The following GPC6 variants were observed in gnomAD, a reference collection of about 807,000 sequenced individuals.
GPC6 encodes glypican 6, also known as glypican-6.
In GPC6, 14 loss-of-function variants were observed where a neutral mutation model predicts 55.2. The observed-to-expected ratio is 0.25, with a 90% CI of 0.17 to 0.40. The LOEUF is 0.40. Among genes scored for constraint, GPC6 ranks in the 10% least tolerant of loss-of-function variants. The pLI is 1.00. For synonymous variants in GPC6, 278 were observed against 259.6 expected, an observed-to-expected ratio of 1.07 and a Z score of -0.68; for missense variants, 641 against 708.5, an observed-to-expected ratio of 0.90 and a Z score of 1.08.
intron 1 of GPC6, among the ~76,000 whole-genome samples, chr13:93,453,193 C>T (rs769744609): frequency 1.3e-5 from 2 of 152,188 alleles, no homozygotes; most frequent in South Asian, 4.2e-4. Context: ...CCAAGTCATT[C>T]CTGAATTGCA....
intron 6 of GPC6, among the ~76,000 whole-genome samples, chr13:94,349,068 G>A (rs1472417114): frequency 6.6e-6 from 1 of 152,158 alleles, no homozygotes; most frequent in Non-Finnish European, 1.5e-5. Context: ...GTGTTTTCAT[G>A]ATGCTTGTCT....
At chr13:93,611,594 A>G (rs535334363) in intron 2 of GPC6, among the ~76,000 whole-genome samples, 48 of 152,238 alleles carry the variant, frequency 3.2e-4, no homozygotes, top group African/African-American at 1.1e-3. Flanking sequence ...GTTTTGATAA[A>G]CCTGGATAGA....
At chr13:93,622,311 A>T (rs1172941268) in intron 2 of GPC6, among the ~76,000 whole-genome samples, 2 of 152,214 alleles carry the variant, frequency 1.3e-5, no homozygotes, top group Non-Finnish European at 2.9e-5. Flanking sequence ...TCTGATGAGC[A>T]TTGCATTTTA....
intron 1 of GPC6, among the ~76,000 whole-genome samples, chr13:93,256,362 T>A (rs1309726381): frequency 6.6e-6 from 1 of 152,082 alleles, no homozygotes; most frequent in Non-Finnish European, 1.5e-5. Context: ...AAAATGCGTT[T>A]AGTAGGAATA....
At chr13:93,931,765 G>GAAAAAAAAAAAAAAAAAAAAAAAAA (rs545578327) in intron 3 of GPC6, among the ~76,000 whole-genome samples, 1 of 49,712 alleles carries the variant, frequency 2.0e-5, no homozygotes. Context: ...CTCTGTCTCA[G>GAAAAAAAAAAAAAAAAAAAAAAAAA]AAAAAAAAAA....
chr13:93,817,085 A>G (rs1163280451), intron 2 of GPC6, among the ~76,000 whole-genome samples: 1 of 152,198 alleles, frequency 6.6e-6, no homozygotes, highest in East Asian at 1.9e-4. Context: ...CACTGTAGGC[A>G]CTAAACCTGG....
intron 2 of GPC6, among the ~76,000 whole-genome samples, chr13:93,551,321 A>C (rs3814276): frequency 0.12 from 18,116 of 147,514 alleles, 1,309 homozygotes; most frequent in East Asian, 0.29. Context: ...AAAAAAAAAA[A>C]CACAATTTCA....
chr13:93,708,026 A>G (rs1300205221), intron 2 of GPC6, among the ~76,000 whole-genome samples: 1 of 151,858 alleles, frequency 6.6e-6, no homozygotes, highest in Non-Finnish European at 1.5e-5. Flanking sequence ...ACATATCTCA[A>G]TATCATACAG....
At chr13:93,671,420 AT>A (rs2139627791) in intron 2 of GPC6, among the ~76,000 whole-genome samples, 1 of 152,160 alleles carries the variant, frequency 6.6e-6, no homozygotes, top group East Asian at 1.9e-4. Flanking sequence ...CCAATGCTCC[AT>A]GTTTAGATTC....
intron 4 of GPC6, among the ~76,000 whole-genome samples, chr13:94,034,931 T>A (rs994668254): frequency 2.7e-5 from 4 of 150,026 alleles, no homozygotes; most frequent in African/African-American, 9.7e-5. Context: ...TATTAAAATA[T>A]ATATAATATG....
chr13:93,385,307 G>T (rs1356973414), intron 1 of GPC6, among the ~76,000 whole-genome samples: 1 of 152,254 alleles, frequency 6.6e-6, no homozygotes, highest in African/African-American at 2.4e-5. Flanking sequence ...CCATAGGCGA[G>T]GTTGGCAGGG....
At chr13:93,458,711 T>C (rs1325803339) in intron 1 of GPC6, among the ~76,000 whole-genome samples, 2 of 152,198 alleles carry the variant, frequency 1.3e-5, no homozygotes, top group Non-Finnish European at 2.9e-5. Context: ...TTTTCTTTCC[T>C]AGACTCCATG....
chr13:93,265,807 CTTT>C (rs141252461), intron 1 of GPC6, among the ~76,000 whole-genome samples: 3 of 144,976 alleles, frequency 2.1e-5, no homozygotes, highest in African/African-American at 7.6e-5. Flanking sequence ...TCTTTTTTTT[CTTT>C]TTTTTTTCAG....
intron 2 of GPC6, among the ~76,000 whole-genome samples, chr13:93,634,940 T>C (rs1365789613): frequency 1.3e-5 from 2 of 152,148 alleles, no homozygotes; most frequent in Non-Finnish European, 2.9e-5. Context: ...ACCACAAACC[T>C]ATGTAGAGTT....
In GPC6 at chr13:93,251,061, A is replaced by G. The variant is rs1876770473; in HGVS notation, c.160+23445A>G. Reference sequence around the variant, plus strand: ...TGAGACTTATTCACTACCACAAAACAGTATGGAGGAAACCATCCCCATGAT... The same window carrying G: ...TGAGACTTATTCACTACCACAAAACGGTATGGAGGAAACCATCCCCATGAT... On this transcript the variant is annotated intron_variant, in intron 1 of 8. Transcript: ENST00000377047. Among the ~76,000 whole-genome samples the G allele has an allele frequency of 2.0e-5, 3 of 152,286 alleles. No individual in the cohort carries two copies. The South Asian group carries it at 6.2e-4, about 32-fold the overall frequency.
At chr13:94,181,742 G>C (rs565104150) in intron 4 of GPC6, among the ~76,000 whole-genome samples, 2 of 152,234 alleles carry the variant, frequency 1.3e-5, no homozygotes, top group South Asian at 2.1e-4. Flanking sequence ...TACAACTTAG[G>C]GTGCCTCATA....
chr13:94,107,931 T>G (rs1054065497), intron 4 of GPC6, among the ~76,000 whole-genome samples: 1 of 152,198 alleles, frequency 6.6e-6, no homozygotes, highest in African/African-American at 2.4e-5. Context: ...CAATGTACAC[T>G]GCTTGTGGGA....
At chr13:93,713,475 G>A (rs926268841) in intron 2 of GPC6, among the ~76,000 whole-genome samples, 12 of 151,486 alleles carry the variant, frequency 7.9e-5, no homozygotes, top group African/African-American at 1.9e-4. Context: ...AGAATAACAC[G>A]TACAAATATA....
At chr13:93,789,522 T>C (rs570340242) in intron 2 of GPC6, among the ~76,000 whole-genome samples, 2 of 139,260 alleles carry the variant, frequency 1.4e-5, no homozygotes, top group African/African-American at 2.7e-5. Flanking sequence ...TATATATATA[T>C]ATATATATAT....
Sources: allele counts gnomAD v4.1 joint callset (sites outside exome capture counted in the v4.1 genomes callset), GRCh38; gene constraint gnomAD v4.1.1; transcripts MANE v1.5; gene names NCBI Gene and HGNC (gene_info 2026-07-23, HGNC 2026-07-21).